The following GNB3 variants were observed in gnomAD, a reference collection of about 807,000 sequenced individuals.
GNB3 encodes G protein subunit beta 3.
GNB3 carries 33 observed loss-of-function variants against 41.2 expected under a neutral mutation model. That is an observed-to-expected ratio of 0.80 (90% CI 0.61 to 1.07). The LOEUF (loss-of-function observed/expected upper bound fraction) is 1.07. Ranked by LOEUF, GNB3 falls within the 50% of genes least tolerant of loss-of-function variation. GNB3 has a pLI of 0.00. For synonymous variants in GNB3, 172 were observed against 173.4 expected (o/e 0.99, Z 0.06); for missense variants, 409 against 455.3 (o/e 0.90, Z 0.92).
intron 2 of GNB3, 41 bp downstream of exon 2, chr12:6,841,385 TG>T (rs782817413): frequency 1.9e-6 from 3 of 1,568,716 alleles, no homozygotes; most frequent in Non-Finnish European, 2.6e-6. Context: ...AGAAAACAGC[TG>T]GGGACATGAG....
chr12:6,841,077 G>A (rs1236288085), intron 1 of GNB3, 44 bp downstream of exon 1: 10 of 586,228 alleles, frequency 1.7e-5, no homozygotes, highest in African/African-American at 4.8e-5. Flanking sequence ...GGGCTGGGGC[G>A]CAGGCAGGGC....
intron 3 of GNB3, 123 bp from the exon 4 acceptor site, chr12:6,842,847 C>G (rs1407487303): frequency 1.6e-6 from 1 of 617,598 alleles, no homozygotes; most frequent in East Asian, 2.8e-5. Context: ...ACTTATTTCT[C>G]TAAGGCTGGG....
chr12:6,845,524 G>A, intron 8 of GNB3, 62 bp from the exon 9 acceptor site: 1 of 1,140,350 alleles, frequency 8.8e-7, no homozygotes, highest in Non-Finnish European at 1.3e-6. Flanking sequence ...GAGGCAGAGG[G>A]CGGGAGAGGC....
chr12:6,845,733 C>A lies in GNB3; in HGVS notation c.847C>A (p.Arg283Ser), dbSNP rs202103093. Residue 283 changes from arginine (R) to serine (S), a missense_variant, in exon 9 of 10, where the codon CGC (arginine) becomes AGC (serine). Physicochemically the swap from Arg to Ser is moderately radical, Grantham distance 110. Coordinates refer to ENST00000229264, the MANE Select transcript of GNB3 (RefSeq NM_002075.4). ...ITSVAFSLSGRLLFAGYDDFN... is the reference protein window; with the variant it reads ...ITSVAFSLSGSLLFAGYDDFN... ...GTCCGTGGCCTTCTCCCTCAGTGGC[C>A]GCCTACTATTCGCTGGCTACGACGA... The A allele has an allele frequency of 6.2e-7, 1 of 1,614,074 alleles. No homozygotes were observed. The highest frequency in any genetic ancestry group is 1.7e-5 in the Admixed American group (1 of 60,018).
rs146702158 is a variant in GNB3, at chr12:6,843,050, C to T, written c.177C>T (p.Tyr59=). Residue 59 remains tyrosine (Y), a synonymous_variant, in exon 4 of 10, where the codon TAC becomes TAT. Transcript: ENST00000229264. This position sits in a 1 kb window ranked among gnomAD's most constrained non-coding sequence, Gnocchi z 5.9. The part of the protein sequence containing the change: ...RTLRGHLAKI[Y]AMHWATDSKL... ...TAAGGGGACACCTGGCCAAGATTTA[C>T]GCCATGCACTGGGCCACTGATTCTA... 71 of 1,592,006 alleles carry T rather than the reference C, an allele frequency of 4.5e-5. 1 individual carries two copies. The highest frequency in any genetic ancestry group is 3.2e-4 in the African/African-American group (24 of 74,568).
Position 6,843,359 on chromosome 12 carries a change from G to A in GNB3, c.268-4G>A. On this transcript the variant is annotated splice_polypyrimidine_tract_variant and splice_region_variant and intron_variant, in intron 5 of 9. Coordinates refer to ENST00000229264, the MANE Select transcript of GNB3 (RefSeq NM_002075.4). The surrounding 1 kb of genome is among the most constrained non-coding windows in gnomAD (Gnocchi z 5.9). ...CATCTCTGCTCAAACCACCCTCCCT[G>A]CAGGTGCACGCCATCCCACTGCGCT... 6.2e-7 allele frequency: 1 copy of A among 1,613,870 alleles called. No homozygotes were observed. Among genetic ancestry groups the A allele is most frequent in the Non-Finnish European group, 8.5e-7 (1 of 1,179,786 alleles).
At chr12:6,846,637 A>G in intron 9 of GNB3, 155 bp from the exon 10 acceptor site, 1 of 605,704 alleles carries the variant, frequency 1.7e-6, no homozygotes, top group Non-Finnish European at 3.0e-6. Flanking sequence ...ACACACGTAC[A>G]CACACCCACA....
chr12:6,847,095 CT>C lies in GNB3; in HGVS notation c.*198del. The C allele has an allele frequency of 1.8e-6, 1 of 566,190 alleles. No homozygotes were observed. The highest frequency in any genetic ancestry group is 4.7e-4 in the Middle Eastern group (1 of 2,122). 35.1% of individuals were successfully genotyped at this position (566,190 alleles called of 1,614,324 possible). A position where few individuals can be genotyped will look rare whatever the true frequency, so the allele number is the denominator to read the frequency against. ...ACACAGGGGCAAAGAACTGCCCCAT[CT>C]CCTCCCATGGCCTTCCCTCCCCACA... On this transcript the variant is annotated 3_prime_UTR_variant, in exon 10 of 10. Coordinates refer to ENST00000229264, the MANE Select transcript of GNB3 (RefSeq NM_002075.4).
At position 6,841,637 on chromosome 12, in the gene GNB3, G is replaced by T; in HGVS notation, c.96+13G>T. On this transcript the variant is annotated intron_variant, in intron 3 of 9. Coordinates refer to ENST00000229264, the MANE Select transcript of GNB3 (RefSeq NM_002075.4). ...TACTCTGGCAGAGGTAAGACCCCCT[G>T]TCCCCCGGAAGGCAGGGCATGGGGG... is the stretch of plus-strand genomic sequence containing the variant. 6.2e-7 allele frequency: 1 copy of T among 1,607,658 alleles called. No individual in the cohort carries two copies. Among genetic ancestry groups the T allele is most frequent in the Non-Finnish European group, 8.5e-7 (1 of 1,175,098 alleles).
rs531431756 is a variant in GNB3, at chr12:6,841,278, C to T, written c.-10C>T. On this transcript the variant is annotated 5_prime_UTR_variant, in exon 2 of 10. Transcript: ENST00000229264. ...GGCAGGAGCCAGAGTGACCCCTCGACCTGTCAGCCATGGGGGAGATGGAGC... is the reference window on the plus strand; with the variant it reads ...GGCAGGAGCCAGAGTGACCCCTCGATCTGTCAGCCATGGGGGAGATGGAGC... 6.2e-7 allele frequency: 1 copy of T among 1,612,210 alleles called. No homozygotes were observed. The highest frequency in any genetic ancestry group is 1.1e-5 in the South Asian group (1 of 90,620).
chr12:6,845,359 C>A (rs1160517222), intron 8 of GNB3: 2 of 521,598 alleles, frequency 3.8e-6, no homozygotes, highest in South Asian at 2.7e-5. Context: ...GGAAATGATG[C>A]CTGCCTGCAG....
Position 6,842,668 on chromosome 12 carries a change from CA to C in GNB3, c.97-301del, listed in dbSNP as rs1381597074. 2.4e-4 allele frequency among the ~76,000 whole-genome samples: 37 copies of C among 152,328 alleles called. No homozygotes were observed. The South Asian group carries it at 3.5e-3, about 15-fold the overall frequency. On this transcript the variant is annotated intron_variant, in intron 3 of 9. Coordinates refer to ENST00000229264, the MANE Select transcript of GNB3 (RefSeq NM_002075.4). ...CCCAAATCTGTTTCCAATGACCTCA[CA>C]TTGGCAGCTGGAAACTGGTCAAAGT...
At chr12:6,841,080 G>A (rs1031223656) in intron 1 of GNB3, 47 bp downstream of exon 1, 8 of 591,416 alleles carry the variant, frequency 1.4e-5, no homozygotes, top group East Asian at 2.9e-5. Context: ...CTGGGGCGCA[G>A]GCAGGGCTCA....
At chr12:6,841,469 G>A in intron 2 of GNB3, 117 bp from the exon 3 acceptor site, 1 of 1,193,200 alleles carries the variant, frequency 8.4e-7, no homozygotes. Context: ...TTCTAAACTT[G>A]GTTCGCATAT....
At chr12:6,845,489 G>T in intron 8 of GNB3, 97 bp from the exon 9 acceptor site, 2 of 776,648 alleles carry the variant, frequency 2.6e-6, no homozygotes, top group South Asian at 1.6e-5. Context: ...TGAGAGCAGC[G>T]GCTTGCCCTG....
At position 6,841,000 on chromosome 12, in the gene GNB3, C is replaced by T. The variant is rs868934332; in HGVS notation, c.-64C>T. On this transcript the variant is annotated 5_prime_UTR_variant, in exon 1 of 10. Coordinates refer to ENST00000229264, the MANE Select transcript of GNB3 (RefSeq NM_002075.4). ...GTAAGGAGGCTCCCAGGAACCGGAG[C>T]TGGAAACCCGGCCGAGGTCCAGCCA... 183 of 496,940 alleles carry T rather than the reference C, an allele frequency of 3.7e-4. 2 individuals are homozygous for T. In the Middle Eastern group the frequency reaches 5.4e-3, roughly 15 times the overall value. 30.8% of individuals were successfully genotyped at this position (496,940 alleles called of 1,614,324 possible).
At chr12:6,841,650 C>G (rs782014854) in intron 3 of GNB3, 26 bp downstream of exon 3, 1 of 1,591,520 alleles carries the variant, frequency 6.3e-7, no homozygotes, top group South Asian at 1.1e-5. Context: ...CCCCGGAAGG[C>G]AGGGCATGGG....
rs1943617040 is a variant in GNB3, at chr12:6,843,573, T to C, written c.430+48T>C. 3 of 1,611,086 alleles carry C rather than the reference T, an allele frequency of 1.9e-6. No individual in the cohort carries two copies. The East Asian group carries it at 6.7e-5, about 36-fold the overall frequency. On this transcript the variant is annotated intron_variant, in intron 6 of 9. Transcript: ENST00000229264. The surrounding 1 kb of genome is among the most constrained non-coding windows in gnomAD (Gnocchi z 5.9). The stretch of plus-strand genomic sequence containing the variant: ...CCCTCCTGAGGGGTTCAGGGAACCC[T>C]GGGCTTCCAGTGGGCTGTGGCTCTG...
intron 1 of GNB3, 29 bp downstream of exon 1, chr12:6,841,062 C>A: frequency 1.7e-6 from 1 of 591,932 alleles, no homozygotes; most frequent in South Asian, 2.0e-5. Flanking sequence ...GGGCTCTGCT[C>A]TCCTGGGCTG....
Sources: allele counts gnomAD v4.1 joint callset (sites outside exome capture counted in the v4.1 genomes callset), GRCh38; gene constraint gnomAD v4.1.1; non-coding constraint Gnocchi (gnomAD v3.1); transcripts MANE v1.5; gene names NCBI Gene and HGNC (gene_info 2026-07-23, HGNC 2026-07-21).